USP39: variants seen among roughly 807,000 people sequenced by gnomAD.
The protein encoded by USP39 is ubiquitin carboxyl-terminal hydrolase 39.
In USP39, 38 loss-of-function variants were observed where a neutral mutation model predicts 66.4. That is an observed-to-expected ratio of 0.57 (90% confidence interval 0.44 to 0.75). The LOEUF (loss-of-function observed/expected upper bound fraction) is 0.75. USP39 is among the 30% of genes least tolerant of loss of function. The probability of loss-of-function intolerance (pLI) is 0.00; values close to 1 mark genes in which losing one functional copy is unlikely to be tolerated. For missense variants in USP39, 608 were observed against 714.4 expected (o/e 0.85, Z 1.70); for synonymous variants, 303 against 274.6 (o/e 1.10, Z -1.02).
chr2:85,612,291 T>A (rs1202823387), upstream of USP39: 2 of 1,535,052 alleles, frequency 1.3e-6, no homozygotes, highest in South Asian at 2.4e-5. Context: ...TACCAGAACC[T>A]TCAGAAAAAT....
At chr2:85,636,821 A>T (rs190275580) in intron 7 of USP39, among the ~76,000 whole-genome samples, 8 of 152,294 alleles carry the variant, frequency 5.3e-5, no homozygotes, top group Admixed American at 3.3e-4. Context: ...TTCCCACTGG[A>T]TGGCCCTGCC....
intron 5 of USP39, 146 bp from the exon 6 acceptor site, chr2:85,630,575 G>C (rs777700079): frequency 9.0e-5 from 62 of 686,980 alleles, no homozygotes; most frequent in Non-Finnish European, 1.5e-4. Flanking sequence ...GCCTGGGTAG[G>C]ATTCTCCAAG....
At chr2:85,611,617 C>T, upstream of USP39, 1 of 1,558,760 alleles carries the variant, frequency 6.4e-7, no homozygotes. Flanking sequence ...AAGGGGAGTG[C>T]GTTGCAGGAA....
chr2:85,636,174 A>T (rs1295699974), intron 7 of USP39, 44 bp downstream of exon 7: 1 of 1,598,648 alleles, frequency 6.3e-7, no homozygotes, highest in Admixed American at 1.7e-5. Context: ...GTTCCCTTTT[A>T]AAAAACTTTG....
intron 5 of USP39, among the ~76,000 whole-genome samples, chr2:85,630,192 A>G (rs1359060094): frequency 1.3e-5 from 2 of 151,278 alleles, no homozygotes; most frequent in African/African-American, 4.9e-5. Flanking sequence ...AGCTCCCTAT[A>G]TTTACTTTTA....
At chr2:85,639,155 T>G (rs780664496) in intron 8 of USP39, 48 bp from the exon 9 acceptor site, 1 of 1,561,106 alleles carries the variant, frequency 6.4e-7, no homozygotes, top group Non-Finnish European at 8.7e-7. Flanking sequence ...TGTTGGTTCC[T>G]ATACCCGTCA....
In USP39 at chr2:85,640,996, G is replaced by C; in HGVS notation, c.1305G>C (p.Glu435Asp). 6.2e-7 allele frequency: 1 copy of C among 1,611,472 alleles called. No individual in the cohort carries two copies. Among genetic ancestry groups the C allele is most frequent in the Non-Finnish European group, 8.5e-7 (1 of 1,179,466 alleles). Residue 435 changes from glutamate to aspartate, a missense_variant, in exon 10 of 13, where the codon GAG becomes GAC. Glu to Asp is a conservative substitution (Grantham distance 45). Transcript: ENST00000323701. ...TCTAGGAATATAAGACTTACAAGGA[G>C]AACTTTCTGAAGCGCTTCCAGCTTA... ...ITEKEYKTYK[E>D]NFLKRFQLTK...
intron 6 of USP39, among the ~76,000 whole-genome samples, chr2:85,635,434 C>T (rs1675691687): frequency 6.6e-6 from 1 of 152,110 alleles, no homozygotes; most frequent in Non-Finnish European, 1.5e-5. Flanking sequence ...GTAGCAGGCA[C>T]CTGTAATCCC....
intron 9 of USP39, chr2:85,639,914 A>G (rs1676098498): frequency 6.6e-6 from 1 of 152,534 alleles, no homozygotes; most frequent in Admixed American, 6.5e-5. Flanking sequence ...GTCTAGCTTT[A>G]TCACCTAGTC....
upstream of USP39, chr2:85,612,244 A>G: frequency 7.3e-7 from 1 of 1,370,188 alleles, no homozygotes. Context: ...TTTTCGTAAC[A>G]TATCAATAGG....
intron 6 of USP39, among the ~76,000 whole-genome samples, chr2:85,631,286 T>G (rs1203738670): frequency 1.3e-5 from 2 of 151,184 alleles, no homozygotes; most frequent in Non-Finnish European, 2.9e-5. Flanking sequence ...GTGCTGGGGA[T>G]TACAGGCATG....
intron 2 of USP39, 126 bp downstream of exon 2, chr2:85,619,415 G>T: frequency 1.1e-6 from 1 of 902,522 alleles, no homozygotes; most frequent in Non-Finnish European, 1.7e-6. Context: ...AGAGAGTTGT[G>T]CTTCTTGCCA....
At chr2:85,615,281 A>G (rs555587457), upstream of USP39, among the ~76,000 whole-genome samples, 2 of 152,246 alleles carry the variant, frequency 1.3e-5, no homozygotes, top group African/African-American at 4.8e-5. Context: ...TGGCCTCCCA[A>G]AGTGCTGGTA....
At chr2:85,648,643 T>TA (rs1182672861) in intron 12 of USP39, 118 bp from the exon 13 acceptor site, 15 of 1,187,244 alleles carry the variant, frequency 1.3e-5, no homozygotes, top group Admixed American at 7.0e-5. Context: ...AAATGGGGTA[T>TA]AGCAGATTTG....
At chr2:85,638,537 TTA>T (rs200656529) in intron 8 of USP39, among the ~76,000 whole-genome samples, 2,957 of 151,896 alleles carry the variant, frequency 0.019, 108 homozygotes, top group African/African-American at 0.067. Context: ...AATTAATTAA[TTA>T]ATTTATTTAT....
At chr2:85,646,577 T>TA (rs1676660449) in intron 11 of USP39, among the ~76,000 whole-genome samples, 1 of 152,222 alleles carries the variant, frequency 6.6e-6, no homozygotes, top group Non-Finnish European at 1.5e-5. Context: ...AATGGGAACT[T>TA]ACTTATGTGA....
At chr2:85,637,532 G>T (rs1675867079) in intron 8 of USP39, 96 bp downstream of exon 8, 1 of 1,364,664 alleles carries the variant, frequency 7.3e-7, no homozygotes, top group Non-Finnish European at 1.0e-6. Context: ...AAGCCTGCTT[G>T]CCCTGTGAAG....
intron 3 of USP39, among the ~76,000 whole-genome samples, chr2:85,622,999 G>A (rs182327162): frequency 2.2e-4 from 34 of 152,276 alleles, no homozygotes; most frequent in Admixed American, 1.6e-3. Flanking sequence ...ACTGTGGCAC[G>A]GAGTAAAAAT....
At chr2:85,611,768 C>G (rs1034853507), upstream of USP39, 8 of 1,612,330 alleles carry the variant, frequency 5.0e-6, no homozygotes, top group Non-Finnish European at 6.8e-6. Context: ...CCTGCTTCAC[C>G]TTCTTGTCAT....
Sources: gnomAD v4.1 joint callset for allele counts (sites outside exome capture counted in the v4.1 genomes callset) on GRCh38, gnomAD v4.1.1 for gene constraint, MANE v1.5 for transcripts, NCBI Gene and HGNC (gene_info 2026-07-23, HGNC 2026-07-21) for gene names.